TCHH: variants seen among roughly 807,000 people sequenced by gnomAD.
The protein encoded by TCHH is trichohyalin.
Under a neutral mutation model 6.3 loss-of-function variants are expected in TCHH, and 6 were observed. The observed-to-expected ratio is 0.95, with a 90% CI of 0.52 to 1.88. The LOEUF (loss-of-function observed/expected upper bound fraction) is 1.88, where lower values mean the gene tolerates loss of function less well. Among genes scored for constraint, TCHH ranks in the 40% most tolerant of loss-of-function variants. The pLI is 0.01. For synonymous variants in TCHH, 1,087 were observed against 963.6 expected (o/e 1.13, Z -2.37); for missense variants, 2,920 against 2,449.1 (o/e 1.19, Z -4.06).
chr1:152,109,999 C>T lies in TCHH; in HGVS notation c.3218G>A (p.Arg1073His). 3 of 1,534,760 alleles carry T rather than the reference C, an allele frequency of 2.0e-6. No individual in the cohort carries two copies. Among genetic ancestry groups the T allele is most frequent in the Non-Finnish European group, 2.6e-6 (3 of 1,138,534 alleles). The change falls in exon 3 of 3, where the codon CGC becomes CAC. Residue 1073 changes from arginine (R) to histidine (H), a missense_variant. Coordinates refer to ENST00000614923, the MANE Select transcript of TCHH (RefSeq NM_007113.4). ...CCGATATTGCCTCTCCAGCTCCTGG[C>T]GCCTTCTCGTCTCCCGTTCCTCTCC... is the stretch of plus-strand genomic sequence containing the variant. Reference protein sequence around the residue: ...LLGEERETRRRQELERQYRKE... With the variant: ...LLGEERETRRHQELERQYRKE...
chr1:152,111,774 C>T lies in TCHH; in HGVS notation c.1443G>A (p.Glu481=), dbSNP rs1203848657. ...TCAGCCAACGTTCGCGCCTCTCCTC[C>T]TCCTGGTCGCGCTTCAGCTGCTGCT... The part of the protein sequence containing the change: ...RRKQQLKRDQ[E]EERRERWLKL... The change falls in exon 3 of 3, where the codon GAG becomes GAA. Residue 481 remains glutamate (E), a synonymous_variant. Transcript: ENST00000614923. The T allele has an allele frequency of 6.3e-7, 1 of 1,592,306 alleles. No homozygotes were observed. The highest frequency in any genetic ancestry group is 1.7e-4 in the Middle Eastern group (1 of 5,952).
rs752923088 is a variant in TCHH at position 152,110,711 on chromosome 1, C to T, written c.2506G>A (p.Glu836Lys). 6 of 1,611,828 alleles carry T rather than the reference C, an allele frequency of 3.7e-6. No individual in the cohort carries two copies. Among genetic ancestry groups the T allele is most frequent in the Admixed American group, 1.7e-5 (1 of 60,014 alleles). The change falls in exon 3 of 3, where the codon GAA becomes AAA. Residue 836 changes from glutamate to lysine, a missense_variant. Glu to Lys is a moderately conservative substitution (Grantham distance 56). Transcript: ENST00000614923. ...EREKELQFLEEEEQLQRRERA... is the reference protein window; with the variant it reads ...EREKELQFLEKEEQLQRRERA... ...TCCCGCCGCTGGAGCTGCTCCTCTTCCTCCAGGAACTGCAGCTCTTTCTCC... is the reference window on the plus strand; with the variant it reads ...TCCCGCCGCTGGAGCTGCTCCTCTTTCTCCAGGAACTGCAGCTCTTTCTCC...
At position 152,107,326 on chromosome 1, in the gene TCHH, T is replaced by G. The variant is rs1426752923; in HGVS notation, c.*59A>C. The G allele has an allele frequency of 7.6e-5, 111 of 1,458,826 alleles. No individual in the cohort carries two copies. The highest frequency in any genetic ancestry group is 9.9e-5 in the Non-Finnish European group (107 of 1,085,678). The allele number at this position is 1,458,826 out of a possible 1,614,324, so 90.4% of individuals were successfully genotyped here. A position where few individuals can be genotyped will look rare whatever the true frequency, so the allele number is the denominator to read the frequency against. On this transcript the variant is annotated 3_prime_UTR_variant, in exon 3 of 3. Transcript: ENST00000614923. ...ATCTGAGTTATCACTTGGTACCCAGTGTTTCTCATTTTCCCGTGCTCGAAG... is the reference window on the plus strand; with the variant it reads ...ATCTGAGTTATCACTTGGTACCCAGGGTTTCTCATTTTCCCGTGCTCGAAG...
At position 152,110,295 on chromosome 1, in the gene TCHH, C is replaced by T. The variant is rs965405951; in HGVS notation, c.2922G>A (p.Leu974=). 6 of 1,611,554 alleles carry T rather than the reference C, an allele frequency of 3.7e-6. No homozygotes were observed. In the African/African-American group the frequency reaches 4.0e-5, roughly 11 times the overall value. ...GCCTTCTCTTCTCCGGTTCCTCTCC[C>T]AGCAGCTGCTCTTCCTTCTGCTGCA... The part of the protein sequence containing the change: ...KKLQQKEEQL[L]GEEPEKRRRQ... Residue 974 remains leucine (L), a synonymous_variant, in exon 3 of 3, where the codon CTG becomes CTA. Transcript: ENST00000614923.
rs754156131 is a variant in TCHH at position 152,111,827 on chromosome 1, TCTC to T, written c.1387_1389del (p.Glu463del). 6 of 1,324,090 alleles carry T rather than the reference TCTC, an allele frequency of 4.5e-6. No individual in the cohort carries two copies. In the East Asian group the frequency reaches 1.4e-4, roughly 31 times the overall value. 82.0% of individuals were successfully genotyped at this position (1,324,090 alleles called of 1,614,324 possible). The stretch of plus-strand genomic sequence containing the variant: ...CGCCTCTCCTGCTCGTGCCTCTCCG[TCTC>T]CTCCTCGCGCTTCAGCCAATCGCGC... On this transcript the variant is annotated inframe_deletion, in exon 3 of 3. Coordinates refer to ENST00000614923, the MANE Select transcript of TCHH (RefSeq NM_007113.4).
rs1572161113 is a variant in TCHH at position 152,114,110 on chromosome 1, A to G, written c.-30T>C. 1.3e-6 allele frequency: 2 copies of G among 1,574,522 alleles called. No individual in the cohort carries two copies. Among genetic ancestry groups the G allele is most frequent in the East Asian group, 2.2e-5 (1 of 44,490 alleles). ...TTTTCTTTCCTTCAAGTTCAAGTAA[A>G]CCTAGAACAATAAAATAAGATCCAG... On this transcript the variant is annotated splice_region_variant and 5_prime_UTR_variant, in exon 2 of 3. Coordinates refer to ENST00000614923, the MANE Select transcript of TCHH (RefSeq NM_007113.4).
Position 152,107,838 on chromosome 1 carries a change from A to AGACTCTT in TCHH, c.5372_5378dup (p.Asp1794ArgfsTer3). Reference sequence around the variant, plus strand: ...GTTCCTCCTCGCGGAATTTTCTGTCAGACTCTTGGCTGCGCAGCTGCTGTT... The same window carrying AGACTCTT: ...GTTCCTCCTCGCGGAATTTTCTGTCAGACTCTTGACTCTTGGCTGCGCAGCTGCTGTT... On this transcript the variant is annotated frameshift_variant, in exon 3 of 3. Transcript: ENST00000614923. LOFTEE classifies it low-confidence loss of function (END_TRUNC). The AGACTCTT allele has an allele frequency of 6.2e-7, 1 of 1,608,174 alleles. No homozygotes were observed. The highest frequency in any genetic ancestry group is 1.1e-5 in the South Asian group (1 of 90,856).
At chr1:152,114,999 C>T (rs75893193) in intron 1 of TCHH, among the ~76,000 whole-genome samples, 15 of 152,330 alleles carry the variant, frequency 9.8e-5, no homozygotes, top group Non-Finnish European at 2.1e-4. Flanking sequence ...ATCTAGCTGA[C>T]TTCTTTATGT....
Position 152,114,103 on chromosome 1 carries a change from C to A in TCHH, c.-23G>T. 2 of 1,594,020 alleles carry A rather than the reference C, an allele frequency of 1.3e-6. No individual in the cohort carries two copies. Among genetic ancestry groups the A allele is most frequent in the African/African-American group, 1.4e-5 (1 of 73,704 alleles). ...CATTTTTTTTTCTTTCCTTCAAGTTCAAGTAAACCTAGAACAATAAAATAA... is the reference window on the plus strand; with the variant it reads ...CATTTTTTTTTCTTTCCTTCAAGTTAAAGTAAACCTAGAACAATAAAATAA... On this transcript the variant is annotated 5_prime_UTR_variant, in exon 2 of 3. Coordinates refer to ENST00000614923, the MANE Select transcript of TCHH (RefSeq NM_007113.4).
chr1:152,112,915 G>C lies in TCHH; in HGVS notation c.302C>G (p.Ala101Gly). The C allele has an allele frequency of 1.2e-6, 2 of 1,613,790 alleles. No individual in the cohort carries two copies. Among genetic ancestry groups the C allele is most frequent in the Non-Finnish European group, 1.7e-6 (2 of 1,179,998 alleles). ...QATGLDEEKR[A>G]RCDGKESLLQ... ...CAGGCTCTCCTTTCCGTCACACCGG[G>C]CTCGCTTCTCCTCATCCAGTCCCGT... The change falls in exon 3 of 3, where the codon GCC becomes GGC. Residue 101 changes from alanine to glycine, a missense_variant. Physicochemically the swap from Ala to Gly is moderately conservative, Grantham distance 60. Coordinates refer to ENST00000614923, the MANE Select transcript of TCHH (RefSeq NM_007113.4).
rs533529655 is a variant in TCHH, at chr1:152,114,555, T to C, written c.-31-444A>G. Among the ~76,000 whole-genome samples, 59 of 152,310 alleles carry C rather than the reference T, an allele frequency of 3.9e-4. No homozygotes were observed. In the Middle Eastern group the frequency reaches 0.014, roughly 35 times the overall value. The stretch of plus-strand genomic sequence containing the variant: ...TATCTTAAAGTGGATAGAGGCCATG[T>C]CAGCAAAACAGTTGGTAGAAAATAG... On this transcript the variant is annotated intron_variant, in intron 1 of 2. Transcript: ENST00000614923.
Position 152,111,500 on chromosome 1 carries a change from C to T in TCHH, c.1717G>A (p.Glu573Lys), listed in dbSNP as rs572401737. 56 of 1,600,692 alleles carry T rather than the reference C, an allele frequency of 3.5e-5. 1 individual carries two copies. In the East Asian group the frequency reaches 1.3e-3, roughly 36 times the overall value. Residue 573 changes from glutamate (E) to lysine (K), a missense_variant, in exon 3 of 3, where the codon GAG becomes AAG. Glu to Lys is a moderately conservative substitution (Grantham distance 56). Coordinates refer to ENST00000614923, the MANE Select transcript of TCHH (RefSeq NM_007113.4). ...CGCTTCAGCAGCTGATCGCGCCTCT[C>T]CTCCTGCTCGCGCTTCAGCCGCTGC... ...REQRLKREQE[E>K]RRDQLLKREE...
intron 2 of TCHH, 139 bp from the exon 3 acceptor site, chr1:152,113,217 A>C: frequency 2.3e-6 from 2 of 877,136 alleles, no homozygotes; most frequent in Non-Finnish European, 3.4e-6. Context: ...AGTGTGTATC[A>C]AGTTTTGTCC....
chr1:152,113,912 C>G, intron 2 of TCHH, 31 bp downstream of exon 2: 3 of 1,602,538 alleles, frequency 1.9e-6, no homozygotes, highest in Non-Finnish European at 2.5e-6. Context: ...AGCCTCAAGT[C>G]AATAGATCTC....
At position 152,109,719 on chromosome 1, in the gene TCHH, C is replaced by T. The variant is rs1402062519; in HGVS notation, c.3498G>A (p.Leu1166=). ...EEPEKRRRQE[L]ERQYREEEEL... ...CCTCTTCCTCGCGGTATTGCCTCTCCAGCTCCTGGCGCCTTCTCTTCTCCG... is the reference window on the plus strand; with the variant it reads ...CCTCTTCCTCGCGGTATTGCCTCTCTAGCTCCTGGCGCCTTCTCTTCTCCG... The change falls in exon 3 of 3, where the codon CTG becomes CTA. Residue 1166 remains leucine (L), a synonymous_variant. Transcript: ENST00000614923. 2.5e-6 allele frequency: 4 copies of T among 1,607,222 alleles called. No homozygotes were observed. Among genetic ancestry groups the T allele is most frequent in the South Asian group, 1.1e-5 (1 of 90,484 alleles).
rs1314080059 is a variant in TCHH, at chr1:152,107,822, C to G, written c.5395G>C (p.Glu1799Gln). The G allele has an allele frequency of 6.2e-7, 1 of 1,613,664 alleles. No homozygotes were observed. The highest frequency in any genetic ancestry group is 8.5e-7 in the Non-Finnish European group (1 of 1,179,904). The change falls in exon 3 of 3, where the codon GAG (glutamate) becomes CAG (glutamine). Residue 1799 changes from glutamate to glutamine, a missense_variant. Physicochemically the swap from Glu to Gln is conservative, Grantham distance 29. Transcript: ENST00000614923. ...RSQESDRKFR[E>Q]EEQLRQEREE... ...CTCTCCTGGCGTAGCTGTTCCTCCT[C>G]GCGGAATTTTCTGTCAGACTCTTGG...
chr1:152,108,621 T>G lies in TCHH; in HGVS notation c.4596A>C (p.Lys1532Asn). ...GCAGCTGCTGTTCCTCCTGGAGGAA[T>G]TTTCTCTGCCGTTGCTGGCGGTGCA... ...QQLHRQQRQR[K>N]FLQEEQQLRR... Residue 1532 changes from lysine (K) to asparagine (N), a missense_variant, in exon 3 of 3, where the codon AAA (lysine) becomes AAC (asparagine). Lys to Asn is a moderately conservative substitution (Grantham distance 94). Coordinates refer to ENST00000614923, the MANE Select transcript of TCHH (RefSeq NM_007113.4). 6.3e-7 allele frequency: 1 copy of G among 1,599,750 alleles called. No individual in the cohort carries two copies. Among genetic ancestry groups the G allele is most frequent in the Non-Finnish European group, 8.5e-7 (1 of 1,174,650 alleles).
rs1236195462 is a variant in TCHH at position 152,110,535 on chromosome 1, G to A, written c.2682C>T (p.Ala894=). Residue 894 remains alanine (A), a synonymous_variant, in exon 3 of 3, where the codon GCC becomes GCT. Coordinates refer to ENST00000614923, the MANE Select transcript of TCHH (RefSeq NM_007113.4). ...RRRHTLYAKP[A]LQEQLRKEQQ... is the part of the protein sequence containing the mutation. ...GTTCCTTCCTCAGCTGCTCTTGTAGGGCTGGCTTGGCGTACAGCGTGTGGC... is the reference window on the plus strand; with the variant it reads ...GTTCCTTCCTCAGCTGCTCTTGTAGAGCTGGCTTGGCGTACAGCGTGTGGC... The A allele has an allele frequency of 3.1e-6, 5 of 1,613,890 alleles. No individual in the cohort carries two copies. In the African/African-American group the frequency reaches 5.3e-5, roughly 17 times the overall value.
Position 152,112,470 on chromosome 1 carries a change from G to A in TCHH, c.747C>T (p.Arg249=), listed in dbSNP as rs1250243343. Residue 249 remains arginine, a synonymous_variant, in exon 3 of 3, where the codon CGC becomes CGT. Coordinates refer to ENST00000614923, the MANE Select transcript of TCHH (RefSeq NM_007113.4). ...CTTCTTCCTTCCGGAGCACTGTCTC[G>A]CGCTTCCTCCACTCTTTCTCTTCTT... is the stretch of plus-strand genomic sequence containing the variant. ...QEEEEKEWRK[R]ETVLRKEEEK... The A allele has an allele frequency of 5.0e-6, 8 of 1,613,184 alleles. No homozygotes were observed. Among genetic ancestry groups the A allele is most frequent in the Non-Finnish European group, 6.8e-6 (8 of 1,179,922 alleles).
Sources: allele counts gnomAD v4.1 joint callset (sites outside exome capture counted in the v4.1 genomes callset), GRCh38; gene constraint gnomAD v4.1.1; transcripts MANE v1.5; gene names NCBI Gene and HGNC (gene_info 2026-07-23, HGNC 2026-07-21).